Variants in CDH23 observed in about 807,000 individuals in gnomAD.
CDH23 encodes the protein cadherin-23.
Under a neutral mutation model 317.1 loss-of-function variants are expected in CDH23, and 189 were observed. The observed-to-expected ratio is 0.60, with a 90% CI of 0.53 to 0.67. The LOEUF (loss-of-function observed/expected upper bound fraction) is 0.67. CDH23 is among the 30% of genes least tolerant of loss of function. The probability of loss-of-function intolerance (pLI) is 0.00; values close to 1 mark genes in which losing one functional copy is unlikely to be tolerated. For synonymous variants in CDH23, 1,839 were observed against 1,876.8 expected, an observed-to-expected ratio of 0.98 and a Z score of 0.52; for missense variants, 4,401 against 4,592.4, an observed-to-expected ratio of 0.96 and a Z score of 1.20.
intron 6 of CDH23, among the ~76,000 whole-genome samples, chr10:71,553,881 C>T (rs1157019002): frequency 6.6e-6 from 1 of 152,198 alleles, no homozygotes; most frequent in East Asian, 1.9e-4. Context: ...AGGTGGGAGA[C>T]ATATGATCCC....
chr10:71,579,506 T>C (rs544718410), intron 9 of CDH23, among the ~76,000 whole-genome samples: 126 of 152,292 alleles, frequency 8.3e-4, no homozygotes, highest in African/African-American at 2.6e-3. Flanking sequence ...AACTCCAGCA[T>C]GCCCAAGAAT....
chr10:71,510,916 G>T (rs753235404), intron 4 of CDH23, 38 bp from the exon 5 acceptor site: 3 of 1,612,190 alleles, frequency 1.9e-6, no homozygotes, highest in Non-Finnish European at 2.5e-6. Context: ...CCTCAGCACC[G>T]CCTAACTGCC....
intron 38 of CDH23, among the ~76,000 whole-genome samples, chr10:71,742,786 T>A (rs1414236467): frequency 1.3e-5 from 2 of 152,224 alleles, no homozygotes; most frequent in African/African-American, 4.8e-5. Context: ...AATGCTGCCT[T>A]ACAAACCAAA....
At chr10:71,425,232 G>GGAGAGAGAGAGAGAGAGAGAGAGAGAGA in intron 1 of CDH23, among the ~76,000 whole-genome samples, 3 of 73,964 alleles carry the variant, frequency 4.1e-5, no homozygotes, top group Admixed American at 1.5e-4. Context: ...AGAGAGAGAG[G>GGAGAGAGAGAGAGAGAGAGAGAGAGAGA]GAGAGAGAGA....
In CDH23 at chr10:71,679,428, C is replaced by T. The variant is rs2132673978; in HGVS notation, c.1794C>T (p.Tyr598=). Residue 598 remains tyrosine (Y), a synonymous_variant, in exon 17 of 70, where the codon TAC becomes TAT. Transcript: ENST00000224721. ...CCCCTCCCAACAACCAGATCACCTACAGCATTGTCAGTGCATCTGCCTTTG... is the reference window on the plus strand; with the variant it reads ...CCCCTCCCAACAACCAGATCACCTATAGCATTGTCAGTGCATCTGCCTTTG... ...EDSPPNNQIT[Y]SIVSASAFGS... The T allele has an allele frequency of 6.2e-7, 1 of 1,613,146 alleles. No individual in the cohort carries two copies. Among genetic ancestry groups the T allele is most frequent in the Non-Finnish European group, 8.5e-7 (1 of 1,179,428 alleles).
At chr10:71,730,387 A>C in intron 30 of CDH23, 82 bp from the exon 31 acceptor site, 7 of 1,534,690 alleles carry the variant, frequency 4.6e-6, no homozygotes, top group Non-Finnish European at 6.2e-6. Context: ...GTGACCACAC[A>C]AGGCGGCCAC....
chr10:71,500,426 T>G (rs1402537820), intron 3 of CDH23, among the ~76,000 whole-genome samples: 2 of 152,156 alleles, frequency 1.3e-5, no homozygotes, highest in Admixed American at 6.6e-5. Flanking sequence ...TGTGGCCAGG[T>G]GAGCCCGCAG....
At position 71,802,994 on chromosome 10, in the gene CDH23, T is replaced by G; in HGVS notation, c.7579T>G (p.Ser2527Ala). The part of the protein sequence containing the change: ...SVYENEPAGT[S>A]VITMMATDQD... The stretch of plus-strand genomic sequence containing the variant: ...GTATGAGAATGAGCCGGCGGGCACC[T>G]CGGTCATCACCATGATGGCCACTGA... The change falls in exon 54 of 70, where the codon TCG becomes GCG. Residue 2527 changes from serine (S) to alanine (A), a missense_variant. Ser to Ala is a moderately conservative substitution (Grantham distance 99). Transcript: ENST00000224721. 1 of 1,613,932 alleles carries G rather than the reference T, an allele frequency of 6.2e-7. No homozygotes were observed. The highest frequency in any genetic ancestry group is 8.5e-7 in the Non-Finnish European group (1 of 1,179,866).
intron 3 of CDH23, among the ~76,000 whole-genome samples, chr10:71,488,283 G>A (rs1852461030): frequency 6.6e-6 from 1 of 152,238 alleles, no homozygotes; most frequent in South Asian, 2.1e-4. Flanking sequence ...TCCAGACAGA[G>A]GAACTTTGGC....
At chr10:71,625,049 A>C (rs75933573) in intron 11 of CDH23, among the ~76,000 whole-genome samples, 1,874 of 152,154 alleles carry the variant, frequency 0.012, 21 homozygotes, top group Non-Finnish European at 0.02. Flanking sequence ...CAGCTGTCCA[A>C]TATGGGGAAA....
chr10:71,544,193 G>T (rs1442130701), intron 6 of CDH23, among the ~76,000 whole-genome samples: 1 of 152,224 alleles, frequency 6.6e-6, no homozygotes, highest in Non-Finnish European at 1.5e-5. Flanking sequence ...ACTCTGGTCT[G>T]CTTGGCTGCC....
At chr10:71,486,718 C>T (rs998755938) in intron 3 of CDH23, among the ~76,000 whole-genome samples, 6 of 152,162 alleles carry the variant, frequency 3.9e-5, no homozygotes, top group African/African-American at 7.2e-5. Flanking sequence ...CAAACTCCAG[C>T]GCTGTACTCT....
intron 38 of CDH23, among the ~76,000 whole-genome samples, chr10:71,774,051 GCACACA>G (rs57159718): frequency 0.02 from 1,775 of 88,544 alleles, 28 homozygotes; most frequent in South Asian, 0.046. Context: ...ATGCGCGCGC[GCACACA>G]CACACACACA....
At chr10:71,685,973 G>A (rs933566114) in intron 18 of CDH23, among the ~76,000 whole-genome samples, 7 of 152,128 alleles carry the variant, frequency 4.6e-5, no homozygotes, top group African/African-American at 1.7e-4. Flanking sequence ...TCCTGCACAG[G>A]TTGGGGGTGG....
At chr10:71,533,975 C>G (rs557536281) in intron 6 of CDH23, among the ~76,000 whole-genome samples, 1 of 152,288 alleles carries the variant, frequency 6.6e-6, no homozygotes, top group South Asian at 2.1e-4. Flanking sequence ...CCTCCTCATT[C>G]CCGGCCAGGG....
intron 16 of CDH23, 91 bp downstream of exon 16, chr10:71,677,784 TGA>T: frequency 9.0e-7 from 1 of 1,105,754 alleles, no homozygotes; most frequent in Non-Finnish European, 1.3e-6. Flanking sequence ...TTTGTTTTTA[TGA>T]GACAGGTCTC....
Position 71,709,189 on chromosome 10 carries a change from C to G in CDH23, c.3198C>G (p.Tyr1066Ter). The change falls in exon 27 of 70, where the codon TAC (tyrosine) becomes TAG (stop). Residue 1066 changes from tyrosine (Y) to a stop codon, truncating the protein, a stop_gained. Coordinates refer to ENST00000224721, the MANE Select transcript of CDH23 (RefSeq NM_022124.6). LOFTEE classifies it high-confidence loss of function. The stretch of plus-strand genomic sequence containing the variant: ...TGGACCGGGAGACCACAGCCGCCTA[C>G]ATGCTCATCCTGGAGGCCATCGGTA... The part of the protein sequence containing the change: ...VGLDRETTAA[Y>*]MLILEAIDNG... The G allele has an allele frequency of 6.2e-7, 1 of 1,613,978 alleles. No homozygotes were observed. Among genetic ancestry groups the G allele is most frequent in the Non-Finnish European group, 8.5e-7 (1 of 1,179,882 alleles).
In CDH23 at chr10:71,570,780, GCTCT is replaced by G. The variant is rs1564659699; in HGVS notation, c.625-7_625-4del. On this transcript the variant is annotated splice_region_variant and splice_polypyrimidine_tract_variant and intron_variant, in intron 7 of 69. Transcript: ENST00000224721. ...CAACCTAAGGCTGTGTGTTCTCTCC[GCTCT>G]CTAAGGATCAAGACAAGACCAGGCC... is the stretch of plus-strand genomic sequence containing the variant. The G allele has an allele frequency of 5.0e-6, 8 of 1,602,544 alleles. No homozygotes were observed. The East Asian group carries it at 6.7e-5, about 14-fold the overall frequency.
At chr10:71,442,107 CA>C (rs1173515072) in intron 2 of CDH23, among the ~76,000 whole-genome samples, 1 of 152,212 alleles carries the variant, frequency 6.6e-6, no homozygotes, top group Non-Finnish European at 1.5e-5. Context: ...CCTTTATTAT[CA>C]GAAGTTATCT....
Sources: gnomAD v4.1 joint callset for allele counts (sites outside exome capture counted in the v4.1 genomes callset) on GRCh38, gnomAD v4.1.1 for gene constraint, MANE v1.5 for transcripts, NCBI Gene and HGNC (gene_info 2026-07-23, HGNC 2026-07-21) for gene names.